The following RRP9 variants were observed in gnomAD, a reference collection of about 807,000 sequenced individuals.
RRP9 encodes U3 small nucleolar RNA-interacting protein 2.
In RRP9, 35 loss-of-function variants were observed where a neutral mutation model predicts 65.5. The observed-to-expected ratio is 0.53, with a 90% CI of 0.41 to 0.71. RRP9 has a LOEUF of 0.71. Among genes scored for constraint, RRP9 ranks in the 30% least tolerant of loss-of-function variants. RRP9 has a pLI of 0.00. For synonymous variants in RRP9, 254 were observed against 245.0 expected (o/e 1.04, Z -0.34); for missense variants, 533 against 633.6 (o/e 0.84, Z 1.70).
chr3:51,935,656 T>G lies in RRP9; in HGVS notation c.772A>C (p.Ser258Arg), dbSNP rs1312394050. The change falls in exon 9 of 15, where the codon AGC (serine) becomes CGC (arginine). Residue 258 changes from serine (S) to arginine (R), a missense_variant. Around this residue, in one of 3 missense-constraint regions of RRP9, gnomAD observed 449 missense variants for 550.6 expected, o/e 0.82. Coordinates refer to ENST00000232888, the MANE Select transcript of RRP9 (RefSeq NM_004704.5). ...AFRRGTHQLY[S>R]TSHDRSVKVW... ...TTCACGGAGCGATCGTGGGATGTGC[T>G]GTAGAGCTGGTGGGTGCCTCTGCGG... is the stretch of plus-strand genomic sequence containing the variant. 1 of 1,614,042 alleles carries G rather than the reference T, an allele frequency of 6.2e-7. No individual in the cohort carries two copies. Among genetic ancestry groups the G allele is most frequent in the Non-Finnish European group, 8.5e-7 (1 of 1,180,044 alleles).
intron 2 of RRP9, among the ~76,000 whole-genome samples, chr3:51,938,594 G>A (rs890397856): frequency 2.6e-5 from 4 of 152,180 alleles, no homozygotes; most frequent in African/African-American, 9.6e-5. Context: ...CAAAGCTCTG[G>A]AGGAATACAC....
chr3:51,935,882 G>A (rs1455943703), intron 8 of RRP9, among the ~76,000 whole-genome samples, 190 bp from the exon 9 acceptor site: 2 of 151,996 alleles, frequency 1.3e-5, no homozygotes, highest in East Asian at 1.9e-4. Flanking sequence ...TTTTTTTAGC[G>A]ACAGGGTCTC....
At chr3:51,938,228 C>G in intron 2 of RRP9, 24 bp from the exon 3 acceptor site, 2 of 1,515,516 alleles carry the variant, frequency 1.3e-6, no homozygotes, top group Non-Finnish European at 1.8e-6. Flanking sequence ...GGGGCTGGGT[C>G]TGAGGGGCTC....
At chr3:51,939,857 T>G (rs143982619) in intron 2 of RRP9, among the ~76,000 whole-genome samples, 349 of 152,364 alleles carry the variant, frequency 2.3e-3, no homozygotes, top group Non-Finnish European at 4.0e-3. Flanking sequence ...CATTCACTTT[T>G]CTGTATCTAA....
intron 2 of RRP9, among the ~76,000 whole-genome samples, chr3:51,939,874 TCACAA>T (rs1460118069): frequency 2.0e-5 from 3 of 152,186 alleles, no homozygotes; most frequent in African/African-American, 4.8e-5. Context: ...CTAACACACT[TCACAA>T]CACAACATTC....
Position 51,937,494 on chromosome 3 carries a change from T to A in RRP9, c.390+51A>T. 1.2e-6 allele frequency: 2 copies of A among 1,613,218 alleles called. No homozygotes were observed. Among genetic ancestry groups the A allele is most frequent in the South Asian group, 2.2e-5 (2 of 91,048 alleles). ...GCCCAAGTGTCCACCATGTTCCAAG[T>A]GGGGCCCCCAATTCCCTCCAACCTT... On this transcript the variant is annotated intron_variant, in intron 5 of 14. Transcript: ENST00000232888. The surrounding 1 kb of genome is among the most constrained non-coding windows in gnomAD (Gnocchi z 5.0).
intron 2 of RRP9, 88 bp from the exon 3 acceptor site, chr3:51,938,292 C>T (rs1293619825): frequency 2.2e-6 from 2 of 927,540 alleles, no homozygotes; most frequent in Admixed American, 5.1e-5. Flanking sequence ...ACCTTGCCAT[C>T]CAACCTCCCC....
rs926538567 is a variant in RRP9 at position 51,937,695 on chromosome 3, C to A, written c.322G>T (p.Val108Leu). 6.2e-7 allele frequency: 1 copy of A among 1,614,222 alleles called. No homozygotes were observed. The highest frequency in any genetic ancestry group is 8.5e-7 in the Non-Finnish European group (1 of 1,180,036). Residue 108 changes from valine to leucine, a missense_variant, in exon 4 of 15, where the codon GTG becomes TTG. Physicochemically the swap from Val to Leu is conservative, Grantham distance 32 (BLOSUM62 1). Coordinates refer to ENST00000232888, the MANE Select transcript of RRP9 (RefSeq NM_004704.5). The surrounding 1 kb of genome is among the most constrained non-coding windows in gnomAD (Gnocchi z 5.0). The part of the protein sequence containing the change: ...AEARAFEEDQ[V>L]AGRLKEDVLE... The stretch of plus-strand genomic sequence containing the variant: ...ACATCCTCCTTCAGGCGCCCCGCCA[C>A]CTGGTCCTCCTCAAATGCACGGGCC...
rs943048143 is a variant in RRP9 at position 51,933,469 on chromosome 3, T to C, written c.*37A>G. On this transcript the variant is annotated 3_prime_UTR_variant, in exon 15 of 15. Transcript: ENST00000232888. Reference sequence around the variant, plus strand: ...CTTTTAATACAAAGAGGGTGGGGCATAGCCTGGGAAGGACTTAAATAAGGA... The same window carrying C: ...CTTTTAATACAAAGAGGGTGGGGCACAGCCTGGGAAGGACTTAAATAAGGA... 1 of 1,510,084 alleles carries C rather than the reference T, an allele frequency of 6.6e-7. No individual in the cohort carries two copies. Among genetic ancestry groups the C allele is most frequent in the Non-Finnish European group, 9.1e-7 (1 of 1,098,110 alleles). 93.5% of individuals were successfully genotyped at this position (1,510,084 alleles called of 1,614,324 possible). A position where few individuals can be genotyped will look rare whatever the true frequency, so the allele number is the denominator to read the frequency against.
At chr3:51,941,583 A>G (rs1699533604) in intron 1 of RRP9, 92 bp from the exon 2 acceptor site, 9 of 1,277,226 alleles carry the variant, frequency 7.0e-6, no homozygotes, top group Middle Eastern at 1.9e-4. Context: ...TCAGAACCCC[A>G]GGAATGGGGA....
chr3:51,940,752 A>G (rs1699513046), intron 2 of RRP9, among the ~76,000 whole-genome samples: 1 of 152,074 alleles, frequency 6.6e-6, no homozygotes, highest in African/African-American at 2.4e-5. Flanking sequence ...ACATCAAGCA[A>G]TCCTCCCGCC....
At position 51,940,682 on chromosome 3, in the gene RRP9, C is replaced by CT. The variant is rs201094938; in HGVS notation, c.170+726dup. Among the ~76,000 whole-genome samples the CT allele has an allele frequency of 6.1e-4, 90 of 147,926 alleles. 1 individual carries two copies. In the Middle Eastern group the frequency reaches 0.011, roughly 17 times the overall value. On this transcript the variant is annotated intron_variant, in intron 2 of 14. Transcript: ENST00000232888. ...GGTGCACACCACCATACCCAGCTAA[C>CT]TTTTTTTTTTTGTACAGACAAGATC... is the stretch of plus-strand genomic sequence containing the variant.
At chr3:51,936,209 C>G (rs762525205) in intron 8 of RRP9, 48 bp downstream of exon 8, 8 of 1,552,118 alleles carry the variant, frequency 5.2e-6, no homozygotes. Flanking sequence ...GCCTAGAACA[C>G]TAGCATGTGC....
chr3:51,940,139 C>T (rs1047909185), intron 2 of RRP9, among the ~76,000 whole-genome samples: 1 of 152,084 alleles, frequency 6.6e-6, no homozygotes, highest in African/African-American at 2.4e-5. Flanking sequence ...GCCTATAATC[C>T]CAGCTACTCA....
At chr3:51,941,560 C>CA (rs546543549) in intron 1 of RRP9, 69 bp from the exon 2 acceptor site, 6 of 1,415,238 alleles carry the variant, frequency 4.2e-6, no homozygotes, top group African/African-American at 2.8e-5. Flanking sequence ...AGGGCCCCCC[C>CA]CCCTCGGTTC....
At chr3:51,941,071 A>G (rs1480501671) in intron 2 of RRP9, among the ~76,000 whole-genome samples, 1 of 152,250 alleles carries the variant, frequency 6.6e-6, no homozygotes, top group Non-Finnish European at 1.5e-5. Context: ...CGGGGAGCCC[A>G]GTAATTGTGA....
intron 2 of RRP9, 90 bp from the exon 3 acceptor site, chr3:51,938,294 A>C: frequency 1.1e-6 from 1 of 913,126 alleles, no homozygotes; most frequent in Non-Finnish European, 1.7e-6. Context: ...CTTGCCATCC[A>C]ACCTCCCCTA....
chr3:51,937,277 C>T lies in RRP9; in HGVS notation c.432G>A (p.Gly144=), dbSNP rs76091063. ...CCAAACATGTGATAGAGAGCTGGTG[C>T]CCCCGTAAAACGCGAATGTCAGCTG... ...PASADIRVLR[G]HQLSITCLVV... Residue 144 remains glycine, a synonymous_variant, in exon 6 of 15, where the codon GGG becomes GGA. Transcript: ENST00000232888. The surrounding 1 kb of genome is among the most constrained non-coding windows in gnomAD (Gnocchi z 5.0). The T allele has an allele frequency of 3.7e-4, 590 of 1,614,142 alleles. 2 individuals are homozygous for T. The African/African-American group carries it at 6.2e-3, about 17-fold the overall frequency.
At position 51,934,101 on chromosome 3, in the gene RRP9, T is replaced by C. The variant is rs912976357; in HGVS notation, c.1261-320A>G. On this transcript the variant is annotated intron_variant, in intron 13 of 14. Transcript: ENST00000232888. This position sits in a 1 kb window ranked among gnomAD's most constrained non-coding sequence, Gnocchi z 4.1. ...TGTCCCCACTGACCTAGACCCTGCATTCTCAGCACACATCACTGACAGATC... is the reference window on the plus strand; with the variant it reads ...TGTCCCCACTGACCTAGACCCTGCACTCTCAGCACACATCACTGACAGATC... 3.3e-5 allele frequency among the ~76,000 whole-genome samples: 5 copies of C among 152,126 alleles called. No homozygotes were observed. Among genetic ancestry groups the C allele is most frequent in the Non-Finnish European group, 7.4e-5 (5 of 67,998 alleles).
Sources: allele counts gnomAD v4.1 joint callset (sites outside exome capture counted in the v4.1 genomes callset), GRCh38; gene constraint gnomAD v4.1.1; regional missense constraint gnomAD v4.1.1; non-coding constraint Gnocchi (gnomAD v3.1); transcripts MANE v1.5; gene names NCBI Gene and HGNC (gene_info 2026-07-23, HGNC 2026-07-21).